Variants in OTOG observed in about 807,000 individuals in gnomAD.
OTOG encodes otogelin.
Under a neutral mutation model 313.8 loss-of-function variants are expected in OTOG, and 296 were observed. The observed-to-expected ratio is 0.94, with a 90% CI of 0.86 to 1.04. OTOG has a LOEUF of 1.04. Among genes scored for constraint, OTOG ranks in the 50% least tolerant of loss-of-function variants. The pLI is 0.00. For missense variants in OTOG, 3,948 were observed against 3,840.1 expected, an observed-to-expected ratio of 1.03 and a Z score of -0.74; for synonymous variants, 1,533 against 1,554.9, an observed-to-expected ratio of 0.99 and a Z score of 0.33.
intron 28 of OTOG, 123 bp downstream of exon 28, chr11:17,594,289 A>C: frequency 8.0e-7 from 1 of 1,246,066 alleles, no homozygotes; most frequent in Non-Finnish European, 1.1e-6. Flanking sequence ...ATGTTCTCTC[A>C]GCCTCTGACT....
rs143848095 is a variant in OTOG, at chr11:17,608,377, G to A, written c.4238G>A (p.Arg1413Gln). 4.7e-4 allele frequency: 720 copies of A among 1,546,540 alleles called. 1 individual carries two copies. In the African/African-American group the frequency reaches 8.5e-3, roughly 18 times the overall value. ...ACASPCFQTC[R>Q]DPRAASCRDV... ...GCCAGCCCCTGCTTCCAAACCTGCC[G>A]GGACCCACGGGCAGCCAGCTGCCGG... Residue 1413 changes from arginine (R) to glutamine (Q), a missense_variant, in exon 34 of 56, where the codon CGG (arginine) becomes CAG (glutamine). Coordinates refer to ENST00000399397, the MANE Select transcript of OTOG (RefSeq NM_001292063.2).
In OTOG at chr11:17,645,582, C is replaced by CCT; in HGVS notation, c.8481_8482dup (p.Cys2828SerfsTer5). ...CCCCCAGGTAAGGAGGATGGGCGCT[C>CCT]CTGCAAGAAGGTGACCATCCGCATG... On this transcript the variant is annotated frameshift_variant, in exon 55 of 56. Transcript: ENST00000399397. LOFTEE classifies it high-confidence loss of function. 6.4e-7 allele frequency: 1 copy of CCT among 1,550,658 alleles called. No homozygotes were observed. Among genetic ancestry groups the CCT allele is most frequent in the Non-Finnish European group, 8.7e-7 (1 of 1,146,998 alleles).
chr11:17,570,385 C>T lies in OTOG; in HGVS notation c.1950C>T (p.Asp650=). 1 of 1,550,448 alleles carries T rather than the reference C, an allele frequency of 6.4e-7. No individual in the cohort carries two copies. Among genetic ancestry groups the T allele is most frequent in the Non-Finnish European group, 8.7e-7 (1 of 1,146,922 alleles). Reference sequence around the variant, plus strand: ...CCTTCAATGGCAACACGCAGGATGACTTCCTGTACGTAGCCCTGCCACGGA... The same window carrying T: ...CCTTCAATGGCAACACGCAGGATGATTTCCTGTACGTAGCCCTGCCACGGA... ...CGTFNGNTQD[D]FLSPVGVPES... is the part of the protein sequence containing the mutation. The change falls in exon 17 of 56, where the codon GAC becomes GAT. Residue 650 remains aspartate (D), a synonymous_variant. Transcript: ENST00000399397.
At chr11:17,644,508 C>G (rs937187676) in intron 54 of OTOG, among the ~76,000 whole-genome samples, 1 of 152,188 alleles carries the variant, frequency 6.6e-6, no homozygotes, top group Non-Finnish European at 1.5e-5. Context: ...AGACACTGTT[C>G]TAGGCACTGT....
At chr11:17,568,409 C>T (rs1852334995) in intron 15 of OTOG, among the ~76,000 whole-genome samples, 2 of 152,168 alleles carry the variant, frequency 1.3e-5, no homozygotes, top group Admixed American at 1.3e-4. Flanking sequence ...CAGACTAAGT[C>T]TGGTTCAGTC....
At position 17,639,454 on chromosome 11, in the gene OTOG, G is replaced by C. The variant is rs1464192038; in HGVS notation, c.7926G>C (p.Arg2642=). 2 of 1,550,578 alleles carry C rather than the reference G, an allele frequency of 1.3e-6. No homozygotes were observed. The highest frequency in any genetic ancestry group is 1.7e-6 in the Non-Finnish European group (2 of 1,147,020). ...ACTGTGACACAATCCCGGTGCCCCG[G>C]TGCCATCTGGTATGGAGACGCTCCT... ...ECDCDTIPVP[R]CHLWEKSQLD... The change falls in exon 49 of 56, where the codon CGG becomes CGC. Residue 2642 remains arginine, a synonymous_variant. Transcript: ENST00000399397.
In OTOG at chr11:17,634,453, G is replaced by A. The variant is rs1294066301; in HGVS notation, c.7480+172G>A. On this transcript the variant is annotated intron_variant, in intron 44 of 55. Coordinates refer to ENST00000399397, the MANE Select transcript of OTOG (RefSeq NM_001292063.2). Reference sequence around the variant, plus strand: ...CCCTGGGGGCAGGGGCAGAGGCTCAGGAGTCAGTGCAGGGAGTGCTGTGGA... The same window carrying A: ...CCCTGGGGGCAGGGGCAGAGGCTCAAGAGTCAGTGCAGGGAGTGCTGTGGA... Among the ~76,000 whole-genome samples, 5 of 152,230 alleles carry A rather than the reference G, an allele frequency of 3.3e-5. No individual in the cohort carries two copies. In the South Asian group the frequency reaches 6.2e-4, roughly 19 times the overall value.
chr11:17,641,159 A>G lies in OTOG; in HGVS notation c.8190+68A>G, dbSNP rs1847963271. The G allele has an allele frequency of 6.9e-6, 10 of 1,453,120 alleles. No homozygotes were observed. In the South Asian group the frequency reaches 9.3e-5, roughly 14 times the overall value. 90.0% of individuals were successfully genotyped at this position (1,453,120 alleles called of 1,614,324 possible). A position where few individuals can be genotyped will look rare whatever the true frequency, so the allele number is the denominator to read the frequency against. ...TTGCCTGGCAGACCTTGGGTGCTCC[A>G]GGAGCCAGAGGGGCCCTTGAAGCTG... On this transcript the variant is annotated intron_variant, in intron 51 of 55. Coordinates refer to ENST00000399397, the MANE Select transcript of OTOG (RefSeq NM_001292063.2).
Position 17,633,807 on chromosome 11 carries a change from C to A in OTOG, c.7200C>A (p.Cys2400Ter), listed in dbSNP as rs1330474897. ...ACTGCCAGGTGCTGGGCGAGGGCTG[C>A]GTCTGCTCCGAGGGCACCATCTTAC... is the stretch of plus-strand genomic sequence containing the variant. The part of the protein sequence containing the change: ...PEHCQVLGEG[C>*]VCSEGTILHR... Residue 2400 changes from cysteine to a stop codon, truncating the protein, a stop_gained, in exon 43 of 56, where the codon TGC becomes TGA. Coordinates refer to ENST00000399397, the MANE Select transcript of OTOG (RefSeq NM_001292063.2). LOFTEE classifies it high-confidence loss of function. 6.5e-7 allele frequency: 1 copy of A among 1,550,198 alleles called. No homozygotes were observed. Among genetic ancestry groups the A allele is most frequent in the Non-Finnish European group, 8.7e-7 (1 of 1,146,946 alleles).
intron 39 of OTOG, among the ~76,000 whole-genome samples, chr11:17,617,941 C>A (rs767149149): frequency 6.7e-5 from 10 of 150,160 alleles, no homozygotes; most frequent in Non-Finnish European, 1.0e-4. Flanking sequence ...GAGACAGAGT[C>A]TCACTCTGTC....
intron 17 of OTOG, 57 bp downstream of exon 17, chr11:17,570,447 G>C: frequency 6.7e-7 from 1 of 1,501,772 alleles, no homozygotes; most frequent in Middle Eastern, 1.8e-4. Flanking sequence ...CTTAGGGCTG[G>C]GTATCTAGAG....
At chr11:17,645,530 T>G in intron 54 of OTOG, 34 bp from the exon 55 acceptor site, 1 of 1,546,040 alleles carries the variant, frequency 6.5e-7, no homozygotes, top group Non-Finnish European at 8.7e-7. Flanking sequence ...AGCCTGGTCT[T>G]GGCCACAGCT....
intron 39 of OTOG, among the ~76,000 whole-genome samples, chr11:17,624,329 A>G (rs1052536886): frequency 1.3e-5 from 2 of 152,192 alleles, no homozygotes; most frequent in African/African-American, 4.8e-5. Context: ...TAATATTTGT[A>G]TATGGCGTAA....
At chr11:17,591,696 C>T (rs1217517598) in intron 25 of OTOG, 108 bp downstream of exon 25, 8 of 1,384,978 alleles carry the variant, frequency 5.8e-6, no homozygotes, top group Non-Finnish European at 7.8e-6. Context: ...GGGATCTAAG[C>T]CCTGAGGTGG....
chr11:17,602,165 G>C (rs1025898607), intron 31 of OTOG, 45 bp from the exon 32 acceptor site: 2 of 1,544,612 alleles, frequency 1.3e-6, no homozygotes, highest in South Asian at 2.4e-5. Flanking sequence ...ATGGGAGGTG[G>C]GCAGGCCATG....
rs1344083155 is a variant in OTOG at position 17,547,315 on chromosome 11, G to T, written c.-58G>T. ...GGAGGTGTGACCCTGCCTTAGCCCG[G>T]GGAGGCACCTCGGGAGGCTGGCCCT... On this transcript the variant is annotated 5_prime_UTR_variant, in exon 1 of 56. Transcript: ENST00000399397. The T allele has an allele frequency of 7.8e-7, 1 of 1,281,868 alleles. No individual in the cohort carries two copies. Among genetic ancestry groups the T allele is most frequent in the Non-Finnish European group, 9.9e-7 (1 of 1,010,414 alleles). The allele number at this position is 1,281,868 out of a possible 1,614,324, so 79.4% of individuals were successfully genotyped here. A position where few individuals can be genotyped will look rare whatever the true frequency, so the allele number is the denominator to read the frequency against.
intron 39 of OTOG, 57 bp from the exon 40 acceptor site, chr11:17,629,076 A>T: frequency 1.4e-6 from 2 of 1,457,334 alleles, no homozygotes; most frequent in Non-Finnish European, 1.9e-6. Context: ...AGATGGATGG[A>T]TGGATGGATG....
chr11:17,622,424 C>A (rs1853886970), intron 39 of OTOG, among the ~76,000 whole-genome samples: 1 of 152,104 alleles, frequency 6.6e-6, no homozygotes, highest in Admixed American at 6.6e-5. Context: ...AATTAAATTA[C>A]TATTGACTGT....
Position 17,547,359 on chromosome 11 carries a change from C to A in OTOG, c.-14C>A, listed in dbSNP as rs745852200. ...TGGCCCTGCGCTCAAGTCCTCCGGT[C>A]CCCTCGTGTCCCTATGGGAGTCCTG... is the stretch of plus-strand genomic sequence containing the variant. On this transcript the variant is annotated 5_prime_UTR_variant, in exon 1 of 56. Transcript: ENST00000399397. 3.7e-6 allele frequency: 5 copies of A among 1,339,690 alleles called. No individual in the cohort carries two copies. Among genetic ancestry groups the A allele is most frequent in the East Asian group, 6.1e-5 (2 of 32,890 alleles). 83.0% of individuals were successfully genotyped at this position (1,339,690 alleles called of 1,614,324 possible).
Sources: gnomAD v4.1 joint callset for allele counts (sites outside exome capture counted in the v4.1 genomes callset) on GRCh38, gnomAD v4.1.1 for gene constraint, MANE v1.5 for transcripts, NCBI Gene and HGNC (gene_info 2026-07-23, HGNC 2026-07-21) for gene names.